Variants in NRXN1 observed in about 807,000 individuals in gnomAD.
NRXN1 encodes the protein neurexin 1, also known as neurexin-1.
Under a neutral mutation model 150.9 loss-of-function variants are expected in NRXN1, and 39 were observed. That is an observed-to-expected ratio of 0.26 (90% confidence interval 0.20 to 0.34). The LOEUF (loss-of-function observed/expected upper bound fraction) is 0.34. Among genes scored for constraint, NRXN1 ranks in the 10% least tolerant of loss-of-function variants. The pLI is 1.00. For missense variants in NRXN1, 1,815 were observed against 1,949.9 expected (o/e 0.93, Z 1.30); for synonymous variants, 924 against 757.0 (o/e 1.22, Z -3.62).
chr2:50,595,520 A>G (rs1675038204), intron 8 of NRXN1, among the ~76,000 whole-genome samples: 2 of 152,172 alleles, frequency 1.3e-5, no homozygotes, highest in South Asian at 2.1e-4. Flanking sequence ...CACAGATAAG[A>G]GCCAGAGTAA....
chr2:50,358,972 G>A (rs193213643), intron 17 of NRXN1, among the ~76,000 whole-genome samples: 39 of 152,278 alleles, frequency 2.6e-4, no homozygotes, highest in Admixed American at 7.2e-4. Context: ...GCAAACTCCA[G>A]CAGAACTGCA....
At chr2:49,941,777 C>T (rs1030483229) in intron 22 of NRXN1, among the ~76,000 whole-genome samples, 6 of 152,124 alleles carry the variant, frequency 3.9e-5, no homozygotes, top group Non-Finnish European at 7.3e-5. Context: ...ATAACACACA[C>T]CCCAATATAC....
intron 18 of NRXN1, among the ~76,000 whole-genome samples, chr2:50,196,529 A>T (rs1284789486): frequency 1.3e-5 from 2 of 152,160 alleles, no homozygotes; most frequent in African/African-American, 4.8e-5. Context: ...ATCATTAAGG[A>T]ACACAAATAC....
intron 18 of NRXN1, among the ~76,000 whole-genome samples, chr2:50,231,253 C>T (rs13429626): frequency 0.43 from 65,507 of 151,722 alleles, 14,359 homozygotes; most frequent in African/African-American, 0.47. Flanking sequence ...GGGGAAATAA[C>T]TGGGTTTATC....
rs145308952 is a variant in NRXN1, at chr2:50,944,902, T to C, written c.773-18947A>G. ...GAATGCATGTAAATTAACAGATGAG[T>C]GTCATTTACACTGATGGTACAAATG... is the stretch of plus-strand genomic sequence containing the variant. On this transcript the variant is annotated intron_variant, in intron 2 of 22. Transcript: ENST00000401669. 2.6e-5 allele frequency among the ~76,000 whole-genome samples: 4 copies of C among 152,318 alleles called. No homozygotes were observed. The East Asian group carries it at 7.7e-4, about 29-fold the overall frequency.
At chr2:50,825,730 G>A (rs1483199806) in intron 5 of NRXN1, among the ~76,000 whole-genome samples, 1 of 152,220 alleles carries the variant, frequency 6.6e-6, no homozygotes, top group Non-Finnish European at 1.5e-5. Context: ...CAAGGATGGG[G>A]TCTACAGCCA....
intron 8 of NRXN1, among the ~76,000 whole-genome samples, chr2:50,586,966 G>A (rs1304749056): frequency 2.0e-5 from 3 of 152,122 alleles, no homozygotes; most frequent in African/African-American, 7.2e-5. Context: ...CATGGCTTCT[G>A]TTTTGTATTA....
At chr2:51,013,881 C>A (rs999090360) in intron 2 of NRXN1, among the ~76,000 whole-genome samples, 7 of 151,986 alleles carry the variant, frequency 4.6e-5, no homozygotes, top group African/African-American at 1.4e-4. Context: ...AGTCCAAATT[C>A]TTTTTTCTGT....
chr2:50,366,806 A>G (rs987038446), intron 17 of NRXN1, among the ~76,000 whole-genome samples: 1 of 151,978 alleles, frequency 6.6e-6, no homozygotes, highest in African/African-American at 2.4e-5. Context: ...GATGGAGAAG[A>G]AAGAAGACAG....
intron 5 of NRXN1, among the ~76,000 whole-genome samples, chr2:50,883,483 C>T (rs1360780860): frequency 6.7e-6 from 1 of 149,932 alleles, no homozygotes; most frequent in East Asian, 2.0e-4. Context: ...AATATTCAAA[C>T]ACTGGAAAAT....
At chr2:50,776,985 T>G (rs1703727052) in intron 5 of NRXN1, among the ~76,000 whole-genome samples, 1 of 152,102 alleles carries the variant, frequency 6.6e-6, no homozygotes. Flanking sequence ...TGACCATTTA[T>G]TTTGTCTTGT....
Position 50,497,595 on chromosome 2 carries a change from T to A in NRXN1, c.2617A>T (p.Thr873Ser). Reference protein sequence around the residue: ...SNFIGHLQSLTFNGMAYIDLC... With the variant: ...SNFIGHLQSLSFNGMAYIDLC... ...TCAATGTATGCCATTCCATTAAATGTCAAGCTCTGCAGGTGTCCAATGAAG... is the reference window on the plus strand; with the variant it reads ...TCAATGTATGCCATTCCATTAAATGACAAGCTCTGCAGGTGTCCAATGAAG... Residue 873 changes from threonine to serine, a missense_variant, in exon 14 of 23, where the codon ACA (threonine) becomes TCA (serine). Thr to Ser is a moderately conservative substitution (Grantham distance 58). Coordinates refer to ENST00000401669, the MANE Select transcript of NRXN1 (RefSeq NM_001330078.2). 1.2e-6 allele frequency: 2 copies of A among 1,613,952 alleles called. No homozygotes were observed. Among genetic ancestry groups the A allele is most frequent in the Non-Finnish European group, 1.7e-6 (2 of 1,179,868 alleles).
chr2:50,925,844 G>A lies in NRXN1; in HGVS notation c.790+94C>T, dbSNP rs1253044461. On this transcript the variant is annotated intron_variant, in intron 3 of 22. Coordinates refer to ENST00000401669, the MANE Select transcript of NRXN1 (RefSeq NM_001330078.2). The stretch of plus-strand genomic sequence containing the variant: ...GAAACCAACAAATGTTCAGAAAGAA[G>A]TTCAACTTACCATCTAACTTCAAGA... The A allele has an allele frequency of 2.9e-5, 28 of 965,632 alleles. 1 individual carries two copies. The highest frequency in any genetic ancestry group is 2.8e-5 in the Non-Finnish European group (17 of 617,950). 59.8% of individuals were successfully genotyped at this position (965,632 alleles called of 1,614,324 possible). A position where few individuals can be genotyped will look rare whatever the true frequency, so the allele number is the denominator to read the frequency against.
chr2:50,359,135 C>T (rs1220368666), intron 17 of NRXN1, among the ~76,000 whole-genome samples: 1 of 152,040 alleles, frequency 6.6e-6, no homozygotes, highest in Non-Finnish European at 1.5e-5. Context: ...GTAGACAAAT[C>T]CACAAAGATG....
intron 5 of NRXN1, among the ~76,000 whole-genome samples, chr2:50,866,215 T>C (rs1381960011): frequency 2.0e-5 from 3 of 151,946 alleles, no homozygotes; most frequent in African/African-American, 4.8e-5. Flanking sequence ...TTCCACCACA[T>C]TGAAACTGTG....
At chr2:50,210,791 C>A (rs879932670) in intron 18 of NRXN1, among the ~76,000 whole-genome samples, 3 of 151,328 alleles carry the variant, frequency 2.0e-5, no homozygotes, top group South Asian at 4.2e-4. Context: ...ACAATCAAAA[C>A]TATAATTTTA....
chr2:50,073,302 C>T (rs1208617057), intron 19 of NRXN1, among the ~76,000 whole-genome samples: 1 of 152,160 alleles, frequency 6.6e-6, no homozygotes, highest in Non-Finnish European at 1.5e-5. Flanking sequence ...GTGACCATTC[C>T]TGCACTCCAT....
At chr2:50,355,790 A>G (rs1299471082) in intron 17 of NRXN1, among the ~76,000 whole-genome samples, 1 of 152,186 alleles carries the variant, frequency 6.6e-6, no homozygotes, top group East Asian at 1.9e-4. Flanking sequence ...TCACATTACT[A>G]TTGTGCAGAA....
rs10469912 is a variant in NRXN1, at chr2:50,053,835, G to A, written c.3809-245C>T. 0.6 allele frequency among the ~76,000 whole-genome samples: 91,275 copies of A among 151,384 alleles called. 27,812 individuals are homozygous for A. The highest frequency in any genetic ancestry group is 0.66 in the Middle Eastern group (194 of 292). ...TTGCTAAAAGACCAATCAAAGATAT[G>A]TATTACAAATCAGTTTTTAGTGGAT... On this transcript the variant is annotated intron_variant, in intron 20 of 22. Transcript: ENST00000401669.
Sources: gnomAD v4.1 joint callset for allele counts (sites outside exome capture counted in the v4.1 genomes callset) on GRCh38, gnomAD v4.1.1 for gene constraint, MANE v1.5 for transcripts, NCBI Gene and HGNC (gene_info 2026-07-23, HGNC 2026-07-21) for gene names.